SPPL3: variants seen among roughly 807,000 people sequenced by gnomAD.
SPPL3 encodes signal peptide peptidase-like 3.
Under a neutral mutation model 42.4 loss-of-function variants are expected in SPPL3, and 5 were observed. The ratio of observed to expected loss-of-function variants is 0.12; its 90% CI spans 0.06 to 0.25. The LOEUF is 0.25. Among genes scored for constraint, SPPL3 ranks in the 10% least tolerant of loss-of-function variants. The pLI is 1.00. For synonymous variants in SPPL3, 195 were observed against 181.8 expected (o/e 1.07, Z -0.58); for missense variants, 235 against 489.0 (o/e 0.48, Z 4.90).
chr12:120,863,755 C>T (rs1872680044), intron 1 of SPPL3, among the ~76,000 whole-genome samples: 1 of 151,336 alleles, frequency 6.6e-6, no homozygotes, highest in African/African-American at 2.4e-5. Context: ...TATCCTCCTG[C>T]CTCAACCTCC....
intron 1 of SPPL3, among the ~76,000 whole-genome samples, chr12:120,833,274 C>T (rs1939234461): frequency 1.3e-5 from 2 of 152,236 alleles, no homozygotes; most frequent in South Asian, 2.1e-4. Context: ...TTGGAGCTTA[C>T]TTGGAGCATG....
At chr12:120,805,195 A>C (rs1033561872) in intron 2 of SPPL3, among the ~76,000 whole-genome samples, 1 of 152,222 alleles carries the variant, frequency 6.6e-6, no homozygotes, top group African/African-American at 2.4e-5. Flanking sequence ...AACCCACTGA[A>C]TTGTATACTT....
At chr12:120,877,847 G>T (rs1566067618) in intron 1 of SPPL3, among the ~76,000 whole-genome samples, 1 of 151,158 alleles carries the variant, frequency 6.6e-6, no homozygotes, top group African/African-American at 2.4e-5. Context: ...TGCAGGGCTG[G>T]TTTAATATTT....
chr12:120,774,168 A>G (rs1005155463), intron 6 of SPPL3, among the ~76,000 whole-genome samples: 12 of 152,210 alleles, frequency 7.9e-5, no homozygotes, highest in African/African-American at 2.9e-4. Flanking sequence ...CTCTCATCAT[A>G]CACATGAAAT....
At chr12:120,835,462 G>T (rs921467348) in intron 1 of SPPL3, 2 of 152,192 alleles carry the variant, frequency 1.3e-5, no homozygotes, top group African/African-American at 4.8e-5. Flanking sequence ...CAAGAATTCT[G>T]ACGATGAAGT....
intron 2 of SPPL3, among the ~76,000 whole-genome samples, chr12:120,794,876 C>T (rs560866438): frequency 6.6e-6 from 1 of 152,212 alleles, no homozygotes; most frequent in Admixed American, 6.5e-5. Context: ...CCTTTGTTGT[C>T]CTATGAGCTA....
chr12:120,820,788 T>C (rs1373542712), intron 1 of SPPL3, among the ~76,000 whole-genome samples: 1 of 152,104 alleles, frequency 6.6e-6, no homozygotes, highest in Non-Finnish European at 1.5e-5. Context: ...AAGGTACAAG[T>C]AGTAAATAAA....
intron 1 of SPPL3, among the ~76,000 whole-genome samples, chr12:120,822,861 C>A (rs1871112847): frequency 6.6e-6 from 1 of 151,946 alleles, no homozygotes; most frequent in Non-Finnish European, 1.5e-5. Flanking sequence ...AGAATAAATA[C>A]CTCTGGTCAC....
intron 2 of SPPL3, among the ~76,000 whole-genome samples, chr12:120,800,559 CAGA>C: frequency 6.6e-6 from 1 of 152,178 alleles, no homozygotes; most frequent in Non-Finnish European, 1.5e-5. Context: ...AAATGATCAA[CAGA>C]AGGACTTGAG....
At position 120,764,904 on chromosome 12, in the gene SPPL3, C is replaced by CA; in HGVS notation, c.*94dup. On this transcript the variant is annotated 3_prime_UTR_variant, in exon 11 of 11. Transcript: ENST00000353487. Reference sequence around the variant, plus strand: ...CACGGCAGTTCCTTAAACACAGGTACATTTCTGAGTACCAGGCCAGCTCTA... The same window carrying CA: ...CACGGCAGTTCCTTAAACACAGGTACAATTTCTGAGTACCAGGCCAGCTCTA... 7.4e-7 allele frequency: 1 copy of CA among 1,360,192 alleles called. No individual in the cohort carries two copies. The highest frequency in any genetic ancestry group is 1.0e-6 in the Non-Finnish European group (1 of 986,650). 84.3% of individuals were successfully genotyped at this position (1,360,192 alleles called of 1,614,324 possible).
At chr12:120,867,786 T>C (rs1205094803) in intron 1 of SPPL3, among the ~76,000 whole-genome samples, 1 of 151,914 alleles carries the variant, frequency 6.6e-6, no homozygotes, top group Non-Finnish European at 1.5e-5. Context: ...CGCTCTGTTG[T>C]CCAGGCTAAA....
In SPPL3 at chr12:120,904,003, G is replaced by A. The variant is rs1406354222; in HGVS notation, c.-136C>T. On this transcript the variant is annotated 5_prime_UTR_variant, in exon 1 of 11. Transcript: ENST00000353487. ...TCGCTCGCTGGCTCGCTGGCTGCAC[G>A]GCGGGCCGGGAAGGCGGCTGGCGGG... The A allele has an allele frequency of 1.1e-5, 8 of 728,598 alleles. No homozygotes were observed. The Admixed American group carries it at 1.4e-4, about 12-fold the overall frequency. The allele number at this position is 728,598 out of a possible 1,614,324, so 45.1% of individuals were successfully genotyped here. A position where few individuals can be genotyped will look rare whatever the true frequency, so the allele number is the denominator to read the frequency against.
intron 6 of SPPL3, among the ~76,000 whole-genome samples, chr12:120,772,596 A>G (rs1200219704): frequency 6.6e-6 from 1 of 152,244 alleles, no homozygotes; most frequent in Non-Finnish European, 1.5e-5. Context: ...AAAAAGCCAT[A>G]TGAACAGATA....
chr12:120,806,853 A>AAAAG (rs3050396), intron 2 of SPPL3, among the ~76,000 whole-genome samples: 115,088 of 146,096 alleles, frequency 0.79, 45,836 homozygotes, highest in African/African-American at 0.9. Flanking sequence ...TTAAAAAAAA[A>AAAAG]AAAGAAAGAA....
rs1874077856 is a variant in SPPL3 at position 120,904,068 on chromosome 12, C to T, written c.-201G>A. 6.0e-6 allele frequency: 2 copies of T among 336,102 alleles called. No homozygotes were observed. The highest frequency in any genetic ancestry group is 2.2e-5 in the African/African-American group (1 of 45,710). The allele number at this position is 336,102 out of a possible 1,614,324, so 20.8% of individuals were successfully genotyped here. A position where few individuals can be genotyped will look rare whatever the true frequency, so the allele number is the denominator to read the frequency against. On this transcript the variant is annotated 5_prime_UTR_variant, in exon 1 of 11. Transcript: ENST00000353487. The stretch of plus-strand genomic sequence containing the variant: ...CGAAGCGGCCCCGCTCCCTGGGCCC[C>T]GGGGCGGGGCGGGCTCCGCTCTCGG...
chr12:120,851,315 C>T (rs1332299911), intron 1 of SPPL3, among the ~76,000 whole-genome samples: 2 of 152,146 alleles, frequency 1.3e-5, no homozygotes, highest in African/African-American at 4.8e-5. Context: ...TTTGGCCTCT[C>T]ATTTTCTCAT....
At chr12:120,844,674 G>C (rs780268926) in intron 1 of SPPL3, among the ~76,000 whole-genome samples, 12 of 151,554 alleles carry the variant, frequency 7.9e-5, no homozygotes, top group Non-Finnish European at 1.6e-4. Context: ...TGCTTCCTAT[G>C]ATCTTTTTAT....
At chr12:120,878,890 G>A (rs906525797) in intron 1 of SPPL3, among the ~76,000 whole-genome samples, 2 of 151,922 alleles carry the variant, frequency 1.3e-5, no homozygotes, top group Non-Finnish European at 2.9e-5. Flanking sequence ...GAGGCGGGTG[G>A]ATCACCTGAG....
intron 8 of SPPL3, 98 bp from the exon 9 acceptor site, chr12:120,767,691 C>A: frequency 8.2e-7 from 1 of 1,215,916 alleles, no homozygotes; most frequent in Non-Finnish European, 1.2e-6. Flanking sequence ...AGTCAAAGAG[C>A]TTATCTGCAT....
Sources: gnomAD v4.1 joint callset for allele counts (sites outside exome capture counted in the v4.1 genomes callset) on GRCh38, gnomAD v4.1.1 for gene constraint, MANE v1.5 for transcripts, NCBI Gene and HGNC (gene_info 2026-07-23, HGNC 2026-07-21) for gene names.